GALNT17: variants seen among roughly 807,000 people sequenced by gnomAD.
GALNT17 encodes the protein polypeptide N-acetylgalactosaminyltransferase 17, also known as UDP-GalNAc:polypeptide N-acetylgalactosaminyltransferase-like 3.
A neutral mutation model predicts 63.7 loss-of-function variants in GALNT17; 29 were observed. That is an observed-to-expected ratio of 0.46 (90% CI 0.34 to 0.62). The LOEUF (loss-of-function observed/expected upper bound fraction) is 0.62, where lower values mean the gene tolerates loss of function less well. GALNT17 is among the 20% of genes least tolerant of loss of function. GALNT17 has a pLI of 0.01. For synonymous variants in GALNT17, 305 were observed against 318.3 expected (o/e 0.96, Z 0.45); for missense variants, 603 against 799.6 (o/e 0.75, Z 2.97).
At chr7:71,268,861 T>A (rs1414233529) in intron 1 of GALNT17, among the ~76,000 whole-genome samples, 1 of 151,944 alleles carries the variant, frequency 6.6e-6, no homozygotes, top group Non-Finnish European at 1.5e-5. Context: ...GCAGGAAGGG[T>A]GGGCAGCAAT....
chr7:71,310,071 G>A (rs1003400413), intron 1 of GALNT17, among the ~76,000 whole-genome samples: 1 of 152,176 alleles, frequency 6.6e-6, no homozygotes, highest in African/African-American at 2.4e-5. Context: ...ATCTGTGTAA[G>A]ACGTGACTTG....
intron 1 of GALNT17, among the ~76,000 whole-genome samples, chr7:71,324,185 G>A (rs1339849520): frequency 6.6e-6 from 1 of 152,176 alleles, no homozygotes; most frequent in Admixed American, 6.5e-5. Flanking sequence ...CAGCAGGAAG[G>A]CACTAATGAA....
At chr7:71,393,271 T>C (rs962152068) in intron 3 of GALNT17, among the ~76,000 whole-genome samples, 2 of 152,244 alleles carry the variant, frequency 1.3e-5, no homozygotes, top group African/African-American at 2.4e-5. Context: ...TTGTTGTTCC[T>C]GCTTGCTAGT....
At position 71,164,421 on chromosome 7, in the gene GALNT17, A is replaced by C. The variant is rs150417929; in HGVS notation, c.238+31381A>C. On this transcript the variant is annotated intron_variant, in intron 1 of 10. Transcript: ENST00000333538. ...CTCACTATCATGAGAACAGCAAGGG[A>C]GAAGTCCACCCCCATGATCGAATCA... Among the ~76,000 whole-genome samples, 849 of 152,334 alleles carry C rather than the reference A, an allele frequency of 5.6e-3. 6 individuals carry two copies. The highest frequency in any genetic ancestry group is 0.019 in the African/African-American group (810 of 41,588).
At chr7:71,167,656 G>A (rs1051199002) in intron 1 of GALNT17, among the ~76,000 whole-genome samples, 1 of 151,960 alleles carries the variant, frequency 6.6e-6, no homozygotes, top group African/African-American at 2.4e-5. Flanking sequence ...TGTCTAAAAC[G>A]CCTTGTCATG....
chr7:71,466,039 C>T (rs932310230), intron 5 of GALNT17, among the ~76,000 whole-genome samples: 1 of 152,144 alleles, frequency 6.6e-6, no homozygotes, highest in African/African-American at 2.4e-5. Flanking sequence ...GGCCTGGCTG[C>T]ATGAATGGAG....
chr7:71,671,027 A>G (rs1279132865), intron 8 of GALNT17, among the ~76,000 whole-genome samples: 1 of 152,210 alleles, frequency 6.6e-6, no homozygotes, highest in Non-Finnish European at 1.5e-5. Flanking sequence ...TATGGAGGAT[A>G]TATAAGTGTA....
chr7:71,669,426 G>A (rs1388539376), intron 7 of GALNT17, among the ~76,000 whole-genome samples: 22 of 151,880 alleles, frequency 1.4e-4, no homozygotes, highest in South Asian at 4.2e-4. Flanking sequence ...CAGGAGAATC[G>A]CTTGAACCCG....
At chr7:71,699,472 T>C (rs1791596980) in intron 9 of GALNT17, among the ~76,000 whole-genome samples, 2 of 125,158 alleles carry the variant, frequency 1.6e-5, no homozygotes, top group Admixed American at 8.1e-5. Flanking sequence ...TGAGACTCTG[T>C]CTCAAAAAAA....
intron 2 of GALNT17, among the ~76,000 whole-genome samples, chr7:71,375,538 C>T (rs769309903): frequency 6.6e-6 from 1 of 152,120 alleles, no homozygotes; most frequent in Non-Finnish European, 1.5e-5. Flanking sequence ...CCTCAGCCTT[C>T]CAGGTGAGTA....
intron 5 of GALNT17, among the ~76,000 whole-genome samples, chr7:71,490,085 A>G (rs1444492526): frequency 6.6e-6 from 1 of 151,918 alleles, no homozygotes; most frequent in African/African-American, 2.4e-5. Flanking sequence ...GTGAAATGCC[A>G]TCTCTACTAA....
rs34467330 is a variant in GALNT17, at chr7:71,674,344, CT to C, written c.1405-2862del. ...AAAACCAATTTTTAAATAGCTCTTCCTTTTTAAAAAAAAAAAAAAGAGATAG... is the reference window on the plus strand; with the variant it reads ...AAAACCAATTTTTAAATAGCTCTTCCTTTTAAAAAAAAAAAAAAGAGATAG... On this transcript the variant is annotated intron_variant, in intron 8 of 10. Coordinates refer to ENST00000333538, the MANE Select transcript of GALNT17 (RefSeq NM_022479.3). 7.8e-3 allele frequency among the ~76,000 whole-genome samples: 887 copies of C among 113,766 alleles called. 2 individuals are homozygous for C. Among genetic ancestry groups the C allele is most frequent in the East Asian group, 0.022 (25 of 1,152 alleles). The allele number at this position is 113,766 out of a possible 152,430, so 74.6% of individuals were successfully genotyped here.
chr7:71,487,761 T>C (rs73367523), intron 5 of GALNT17, among the ~76,000 whole-genome samples: 7,569 of 152,152 alleles, frequency 0.05, 656 homozygotes, highest in African/African-American at 0.17. Context: ...ACCAACCTAA[T>C]AGTAGTGATA....
At chr7:71,616,070 A>G (rs911016137) in intron 6 of GALNT17, among the ~76,000 whole-genome samples, 6 of 146,238 alleles carry the variant, frequency 4.1e-5, no homozygotes, top group Non-Finnish European at 7.5e-5. Flanking sequence ...GATTGAACCA[A>G]TGTGCCTATA....
chr7:71,515,528 G>A (rs1158493437), intron 5 of GALNT17, among the ~76,000 whole-genome samples: 2 of 152,248 alleles, frequency 1.3e-5, no homozygotes, highest in South Asian at 4.1e-4. Flanking sequence ...TCGAGGTTGG[G>A]CTTCTAAGGA....
chr7:71,500,631 C>T (rs1029214217), intron 5 of GALNT17, among the ~76,000 whole-genome samples: 1 of 152,192 alleles, frequency 6.6e-6, no homozygotes, highest in Non-Finnish European at 1.5e-5. Flanking sequence ...GTCCCACTGG[C>T]TGTCCTCCAA....
intron 5 of GALNT17, among the ~76,000 whole-genome samples, chr7:71,441,219 C>T (rs1787061425): frequency 6.6e-6 from 1 of 152,056 alleles, no homozygotes; most frequent in African/African-American, 2.4e-5. Context: ...GACAGGGTTT[C>T]ATCATGTTGG....
chr7:71,289,290 T>C (rs1365646392), intron 1 of GALNT17, among the ~76,000 whole-genome samples: 1 of 152,100 alleles, frequency 6.6e-6, no homozygotes, highest in Non-Finnish European at 1.5e-5. Context: ...ATAATTGAAT[T>C]AAAATATTCT....
chr7:71,216,329 A>G (rs539188401), intron 1 of GALNT17, among the ~76,000 whole-genome samples: 2 of 152,314 alleles, frequency 1.3e-5, no homozygotes, highest in East Asian at 1.9e-4. Flanking sequence ...GAAAAGGGCA[A>G]ATAAGTCTTT....
Sources: allele counts gnomAD v4.1 joint callset (sites outside exome capture counted in the v4.1 genomes callset), GRCh38; gene constraint gnomAD v4.1.1; transcripts MANE v1.5; gene names NCBI Gene and HGNC (gene_info 2026-07-23, HGNC 2026-07-21).